TACC2: variants seen among roughly 807,000 people sequenced by gnomAD.
The protein encoded by TACC2 is transforming acidic coiled-coil-containing protein 2.
TACC2 carries 137 observed loss-of-function variants against 227.3 expected under a neutral mutation model. The ratio of observed to expected loss-of-function variants is 0.60; its 90% CI spans 0.52 to 0.69. The LOEUF (loss-of-function observed/expected upper bound fraction) is 0.69. Among genes scored for constraint, TACC2 ranks in the 30% least tolerant of loss-of-function variants. The pLI is 0.00. For missense variants in TACC2, 3,470 were observed against 3,694.4 expected (o/e 0.94, Z 1.57); for synonymous variants, 1,523 against 1,487.5 (o/e 1.02, Z -0.55).
intron 1 of TACC2, among the ~76,000 whole-genome samples, chr10:122,015,284 C>T (rs1361291659): frequency 1.3e-5 from 2 of 152,200 alleles, no homozygotes; most frequent in East Asian, 3.9e-4. Flanking sequence ...GTGGGGGGAT[C>T]ACCTGAGGTC....
chr10:122,070,936 G>A (rs1436654009), intron 3 of TACC2, among the ~76,000 whole-genome samples: 3 of 151,154 alleles, frequency 2.0e-5, no homozygotes, highest in African/African-American at 7.3e-5. Context: ...AAAAAAAAAA[G>A]GGATATAACA....
intron 8 of TACC2, among the ~76,000 whole-genome samples, chr10:122,199,702 C>T (rs55987917): frequency 0.11 from 16,744 of 152,232 alleles, 1,252 homozygotes; most frequent in Non-Finnish European, 0.16. Context: ...GGTCTGATCA[C>T]ACGGCTATCA....
chr10:122,235,136 G>C, intron 16 of TACC2, among the ~76,000 whole-genome samples: 1 of 152,078 alleles, frequency 6.6e-6, no homozygotes, highest in Non-Finnish European at 1.5e-5. Flanking sequence ...ACCCAGGCTG[G>C]AGTGCAGTGG....
chr10:122,085,505 A>C lies in TACC2; in HGVS notation c.3005A>C (p.Glu1002Ala), dbSNP rs2080000098. 3 of 1,613,536 alleles carry C rather than the reference A, an allele frequency of 1.9e-6. No individual in the cohort carries two copies. In the East Asian group the frequency reaches 6.7e-5, roughly 36 times the overall value. ...KSQQALADALEEGSQHEEACQ... is the reference protein window; with the variant it reads ...KSQQALADALAEGSQHEEACQ... ...CAACAGGCATTGGCTGATGCCTTGG[A>C]AGAAGGCAGCCAGCATGAAGAAGCA... Residue 1002 changes from glutamate (E) to alanine (A), a missense_variant, in exon 4 of 23, where the codon GAA becomes GCA. Transcript: ENST00000369005.
intron 6 of TACC2, among the ~76,000 whole-genome samples, chr10:122,142,858 T>C (rs1031373455): frequency 1.2e-4 from 18 of 152,236 alleles, no homozygotes; most frequent in African/African-American, 4.3e-4. Flanking sequence ...GTGGAGGCCG[T>C]TGCTAGCCTT....
In TACC2 at chr10:122,211,180, G is replaced by A. The variant is rs745542749; in HGVS notation, c.6755G>A (p.Gly2252Glu). Residue 2252 changes from glycine (G) to glutamate (E), a missense_variant, in exon 9 of 23, where the codon GGG becomes GAG. Gly to Glu is a moderately conservative substitution (Grantham distance 98, BLOSUM62 -2). This residue lies in a region of TACC2 where 593 missense variants were observed against 636.6 expected (regional missense o/e 0.93). Transcript: ENST00000369005. ...GAGGTAACCCCATCGGATAGCGGGG[G>A]GCAAGAGGACTCTCCAGCCAAAGGG... ...AGEVTPSDSGGQEDSPAKGLS... is the reference protein window; with the variant it reads ...AGEVTPSDSGEQEDSPAKGLS... 1.2e-6 allele frequency: 2 copies of A among 1,612,882 alleles called. No individual in the cohort carries two copies. The highest frequency in any genetic ancestry group is 1.7e-5 in the Admixed American group (1 of 59,808).
chr10:122,163,714 C>T, intron 7 of TACC2: 1 of 1,138,270 alleles, frequency 8.8e-7, no homozygotes, highest in African/African-American at 1.6e-5. Flanking sequence ...CGCGCGCACA[C>T]ATACGCGGCG....
chr10:122,055,383 A>T (rs2076128101), intron 3 of TACC2, among the ~76,000 whole-genome samples: 1 of 152,224 alleles, frequency 6.6e-6, no homozygotes, highest in Admixed American at 6.5e-5. Context: ...GCAGCCATAA[A>T]AAAGAACGAG....
intron 7 of TACC2, among the ~76,000 whole-genome samples, chr10:122,176,111 C>CTATATATATA: frequency 1.6e-5 from 1 of 62,394 alleles, no homozygotes; most frequent in African/African-American, 9.6e-5. Flanking sequence ...CTCTCTCTCT[C>CTATATATATA]TCTCTCTATA....
chr10:122,179,314 G>A (rs528580412), intron 7 of TACC2, among the ~76,000 whole-genome samples: 10 of 152,258 alleles, frequency 6.6e-5, no homozygotes, highest in African/African-American at 1.9e-4. Flanking sequence ...CTGCCTTGTC[G>A]TATTTAAACC....
At chr10:122,168,988 C>G (rs894343933) in intron 7 of TACC2, among the ~76,000 whole-genome samples, 1 of 152,176 alleles carries the variant, frequency 6.6e-6, no homozygotes, top group African/African-American at 2.4e-5. Flanking sequence ...TCTGTGAAAA[C>G]CAATTGTTCA....
rs780732675 is a variant in TACC2, at chr10:122,083,066, C to T, written c.566C>T (p.Ser189Phe). The T allele has an allele frequency of 2.5e-6, 4 of 1,612,604 alleles. No homozygotes were observed. The South Asian group carries it at 4.4e-5, about 18-fold the overall frequency. ...PKEEGQKSSFSFSSGIDQSPG... is the reference protein window; with the variant it reads ...PKEEGQKSSFFFSSGIDQSPG... ...GAAGAAGGACAGAAGTCCTCCTTCT[C>T]CTTCTCCAGTGGCATCGACCAGTCA... Residue 189 changes from serine (S) to phenylalanine (F), a missense_variant, in exon 4 of 23, where the codon TCC becomes TTC. By Grantham distance (155) the Ser-to-Phe change is radical. This residue lies in a region of TACC2 where 405 missense variants were observed against 389.6 expected (regional missense o/e 1.04). Transcript: ENST00000369005.
At chr10:122,190,996 A>G (rs1391747708) in intron 7 of TACC2, among the ~76,000 whole-genome samples, 1 of 152,222 alleles carries the variant, frequency 6.6e-6, no homozygotes, top group Admixed American at 6.5e-5. Flanking sequence ...AGAGACAGGC[A>G]GTTCTGGATT....
chr10:121,995,156 A>G (rs150327131), intron 1 of TACC2, among the ~76,000 whole-genome samples: 11 of 152,306 alleles, frequency 7.2e-5, no homozygotes, highest in Non-Finnish European at 1.2e-4. Flanking sequence ...TGACCTTGAC[A>G]TGTTTGCACA....
At chr10:122,169,839 C>A (rs2140033592) in intron 7 of TACC2, among the ~76,000 whole-genome samples, 1 of 152,320 alleles carries the variant, frequency 6.6e-6, no homozygotes, top group Non-Finnish European at 1.5e-5. Flanking sequence ...CAGCCTTCAT[C>A]TCCCAGGCTC....
At chr10:122,132,235 C>G (rs914226777) in intron 5 of TACC2, among the ~76,000 whole-genome samples, 1 of 152,072 alleles carries the variant, frequency 6.6e-6, no homozygotes, top group Admixed American at 6.5e-5. Flanking sequence ...TAGAAATGTG[C>G]TGTTAAAACA....
chr10:122,054,761 G>T (rs946891943), intron 3 of TACC2, among the ~76,000 whole-genome samples: 4 of 152,150 alleles, frequency 2.6e-5, no homozygotes, highest in Non-Finnish European at 5.9e-5. Context: ...CGGCGCCTTT[G>T]GTTTCTGACC....
intron 7 of TACC2, among the ~76,000 whole-genome samples, chr10:122,184,622 GTTTAAATATCTT>G (rs1286191211): frequency 2.6e-5 from 4 of 152,144 alleles, no homozygotes; most frequent in African/African-American, 9.7e-5. Context: ...TGGTACCCGT[GTTTAAATATCTT>G]TTTCTGACTT....
intron 7 of TACC2, among the ~76,000 whole-genome samples, chr10:122,146,991 G>T (rs1160595462): frequency 6.6e-6 from 1 of 152,090 alleles, no homozygotes; most frequent in African/African-American, 2.4e-5. Context: ...CTCATGATTG[G>T]ACTGGGCCTG....
Sources: allele counts gnomAD v4.1 joint callset (sites outside exome capture counted in the v4.1 genomes callset), GRCh38; gene constraint gnomAD v4.1.1; regional missense constraint gnomAD v4.1.1; transcripts MANE v1.5; gene names NCBI Gene and HGNC (gene_info 2026-07-23, HGNC 2026-07-21).